Variants in RAB3IP observed in about 807,000 individuals in gnomAD.
RAB3IP encodes the protein rab-3A-interacting protein.
Under a neutral mutation model 59.1 loss-of-function variants are expected in RAB3IP, and 36 were observed. That is an observed-to-expected ratio of 0.61 (90% CI 0.47 to 0.80). The LOEUF (loss-of-function observed/expected upper bound fraction) is 0.80. RAB3IP is among the 30% of genes least tolerant of loss of function. The pLI is 0.00. For missense variants in RAB3IP, 511 were observed against 536.0 expected, an observed-to-expected ratio of 0.95 and a Z score of 0.46; for synonymous variants, 207 against 191.2, an observed-to-expected ratio of 1.08 and a Z score of -0.68.
At chr12:69,761,634 C>A (rs1019219010) in intron 3 of RAB3IP, among the ~76,000 whole-genome samples, 4 of 152,134 alleles carry the variant, frequency 2.6e-5, no homozygotes, top group Non-Finnish European at 5.9e-5. Flanking sequence ...ATAAGGATTG[C>A]ATATGTTTGT....
At chr12:69,771,456 G>A (rs565366812) in intron 3 of RAB3IP, among the ~76,000 whole-genome samples, 1 of 152,136 alleles carries the variant, frequency 6.6e-6, no homozygotes, top group Admixed American at 6.5e-5. Context: ...GAGCTTCTGT[G>A]GTTGAGGCTG....
intron 4 of RAB3IP, among the ~76,000 whole-genome samples, chr12:69,792,609 G>GT (rs1206010280): frequency 1.3e-5 from 2 of 152,108 alleles, no homozygotes; most frequent in African/African-American, 2.4e-5. Flanking sequence ...ACCTTTTGAT[G>GT]TTTTTTGTCA....
chr12:69,772,051 C>T (rs1037993989), intron 3 of RAB3IP, among the ~76,000 whole-genome samples: 2 of 152,108 alleles, frequency 1.3e-5, no homozygotes, highest in African/African-American at 4.8e-5. Context: ...AATTTCCTTA[C>T]TGTTATTGTA....
chr12:69,756,725 G>T (rs756468226), intron 3 of RAB3IP, 62 bp downstream of exon 3: 4 of 1,364,476 alleles, frequency 2.9e-6, no homozygotes, highest in Non-Finnish European at 4.0e-6. Context: ...TTCTCCATGG[G>T]GTGGGGCAAC....
intron 8 of RAB3IP, among the ~76,000 whole-genome samples, chr12:69,805,365 G>C (rs907486452): frequency 2.6e-5 from 4 of 152,276 alleles, no homozygotes. Flanking sequence ...AGACTTTGCT[G>C]AAGTTGCTTA....
chr12:69,816,938 C>G lies in RAB3IP; in HGVS notation c.*1492C>G, dbSNP rs929585013. On this transcript the variant is annotated 3_prime_UTR_variant, in exon 11 of 11. Transcript: ENST00000247833. Reference sequence around the variant, plus strand: ...TGAAAACCATCAGTACCATGCCTAGCTCAAGAATGTGAAATTGAACCTGAA... The same window carrying G: ...TGAAAACCATCAGTACCATGCCTAGGTCAAGAATGTGAAATTGAACCTGAA... The G allele has an allele frequency of 6.6e-6, 1 of 152,102 alleles. No individual in the cohort carries two copies. The highest frequency in any genetic ancestry group is 2.4e-5 in the African/African-American group (1 of 41,402). 9.4% of individuals were successfully genotyped at this position (152,102 alleles called of 1,614,324 possible). A position where few individuals can be genotyped will look rare whatever the true frequency, so the allele number is the denominator to read the frequency against.
intron 8 of RAB3IP, among the ~76,000 whole-genome samples, chr12:69,811,685 A>G (rs1308229765): frequency 6.6e-6 from 1 of 152,220 alleles, no homozygotes; most frequent in African/African-American, 2.4e-5. Context: ...TCATTAAAGG[A>G]ATTTGCTAAT....
rs748004257 is a variant in RAB3IP, at chr12:69,784,865, T to C, written c.606+50T>C. On this transcript the variant is annotated intron_variant, in intron 4 of 10. Coordinates refer to ENST00000247833, the MANE Select transcript of RAB3IP (RefSeq NM_022456.5). ...ACAGCAACATCTTGACTTTTATATA[T>C]TGACAAAATTGTATTTTGAGGGAAT... 1.2e-5 allele frequency: 12 copies of C among 1,015,728 alleles called. No individual in the cohort carries two copies. The East Asian group carries it at 2.0e-4, about 17-fold the overall frequency. The allele number at this position is 1,015,728 out of a possible 1,614,324, so 62.9% of individuals were successfully genotyped here.
rs772026466 is a variant in RAB3IP at position 69,756,650 on chromosome 12, C to T, written c.497C>T (p.Ala166Val). The T allele has an allele frequency of 1.9e-6, 3 of 1,613,024 alleles. No homozygotes were observed. In the African/African-American group the frequency reaches 4.0e-5, roughly 22 times the overall value. ...KGYERLKEELAKAQRELKLKD... is the reference protein window; with the variant it reads ...KGYERLKEELVKAQRELKLKD... ...TATGAACGATTAAAAGAAGAACTCG[C>T]AAAAGCTCAGAGGGTAAGAAAGAAG... Residue 166 changes from alanine (A) to valine (V), a missense_variant, in exon 3 of 11, where the codon GCA becomes GTA. By Grantham distance (64) the Ala-to-Val change is moderately conservative. Coordinates refer to ENST00000247833, the MANE Select transcript of RAB3IP (RefSeq NM_022456.5).
chr12:69,739,555 G>A, intron 1 of RAB3IP: 1 of 496,946 alleles, frequency 2.0e-6, no homozygotes, highest in Non-Finnish European at 3.6e-6. Flanking sequence ...CCCAGTCTTA[G>A]GAAACTACGC....
intron 3 of RAB3IP, among the ~76,000 whole-genome samples, chr12:69,770,821 CTAAT>C (rs1270319837): frequency 6.6e-6 from 1 of 152,124 alleles, no homozygotes; most frequent in Non-Finnish European, 1.5e-5. Context: ...TCAAATCAGA[CTAAT>C]TAGCATTGCC....
Position 69,815,280 on chromosome 12 carries a change from T to A in RAB3IP, c.1301-84T>A, listed in dbSNP as rs921397602. ...TCTTTAGGAAATGCACAATTGACAT[T>A]TCAGCTAAGGTTTTCAGCGAAACAT... On this transcript the variant is annotated intron_variant, in intron 10 of 10. Transcript: ENST00000247833. 9 of 981,112 alleles carry A rather than the reference T, an allele frequency of 9.2e-6. No homozygotes were observed. The African/African-American group carries it at 1.5e-4, about 16-fold the overall frequency. 60.8% of individuals were successfully genotyped at this position (981,112 alleles called of 1,614,324 possible). A position where few individuals can be genotyped will look rare whatever the true frequency, so the allele number is the denominator to read the frequency against.
chr12:69,759,646 T>C (rs755459749), intron 3 of RAB3IP, among the ~76,000 whole-genome samples: 5,724 of 113,304 alleles, frequency 0.051, 131 homozygotes, highest in South Asian at 0.066. Flanking sequence ...GGCGGCTGGC[T>C]GGGCGGGGGC....
intron 1 of RAB3IP, among the ~76,000 whole-genome samples, chr12:69,751,270 A>G (rs551335660): frequency 1.3e-5 from 2 of 152,274 alleles, no homozygotes; most frequent in South Asian, 2.1e-4. Context: ...TCCGTTTGAT[A>G]TCAGTCCAGT....
At chr12:69,766,439 A>G (rs891028070) in intron 3 of RAB3IP, among the ~76,000 whole-genome samples, 2 of 151,832 alleles carry the variant, frequency 1.3e-5, no homozygotes, top group African/African-American at 4.8e-5. Context: ...GTTCGGTCCC[A>G]TCTGTTGCTA....
chr12:69,745,161 T>C (rs1184090063), intron 1 of RAB3IP, among the ~76,000 whole-genome samples: 1 of 152,218 alleles, frequency 6.6e-6, no homozygotes, highest in African/African-American at 2.4e-5. Context: ...TTCTATATTA[T>C]TTTGAAACAA....
chr12:69,770,099 A>G (rs537237339), intron 3 of RAB3IP, among the ~76,000 whole-genome samples: 2 of 152,348 alleles, frequency 1.3e-5, no homozygotes, highest in South Asian at 4.1e-4. Context: ...TCTTCCTATA[A>G]GTTTAAAATA....
At chr12:69,770,318 C>T (rs956594127) in intron 3 of RAB3IP, among the ~76,000 whole-genome samples, 8 of 152,122 alleles carry the variant, frequency 5.3e-5, no homozygotes, top group African/African-American at 1.4e-4. Context: ...ATTCCAAAAT[C>T]GATAGATCCT....
At chr12:69,760,125 C>T (rs1202808307) in intron 3 of RAB3IP, among the ~76,000 whole-genome samples, 4 of 152,274 alleles carry the variant, frequency 2.6e-5, no homozygotes, top group Admixed American at 6.5e-5. Context: ...CGTCTGCAAT[C>T]CCGGCACCTC....
Sources: gnomAD v4.1 joint callset for allele counts (sites outside exome capture counted in the v4.1 genomes callset) on GRCh38, gnomAD v4.1.1 for gene constraint, MANE v1.5 for transcripts, NCBI Gene and HGNC (gene_info 2026-07-23, HGNC 2026-07-21) for gene names.